TTC27: variants seen among roughly 807,000 people sequenced by gnomAD.
The protein encoded by TTC27 is tetratricopeptide repeat protein 27.
TTC27 carries 79 observed loss-of-function variants against 115.9 expected under a neutral mutation model. The observed-to-expected ratio is 0.68, with a 90% CI of 0.57 to 0.82. TTC27 has a LOEUF of 0.82. Among genes scored for constraint, TTC27 ranks in the 40% least tolerant of loss-of-function variants. The pLI, the probability that TTC27 is intolerant of heterozygous loss-of-function variation, is 0.00. For synonymous variants in TTC27, 401 were observed against 356.0 expected (o/e 1.13, Z -1.42); for missense variants, 1,054 against 993.1 (o/e 1.06, Z -0.82).
chr2:32,737,112 A>G (rs2273663), intron 12 of TTC27, among the ~76,000 whole-genome samples: 63,102 of 151,740 alleles, frequency 0.42, 13,282 homozygotes, highest in Non-Finnish European at 0.44. Flanking sequence ...TTTAATGATC[A>G]CTGGGTTGCC....
Position 32,780,650 on chromosome 2 carries a change from G to T in TTC27, c.1780-1976G>T, listed in dbSNP as rs574583572. 2.6e-5 allele frequency among the ~76,000 whole-genome samples: 4 copies of T among 152,178 alleles called. No individual in the cohort carries two copies. In the East Asian group the frequency reaches 7.7e-4, roughly 29 times the overall value. On this transcript the variant is annotated intron_variant, in intron 14 of 19. Transcript: ENST00000317907. ...AGATGAGGTTTCTCCATGTTGGCCA[G>T]ACTAGTCTCAAACTCCTGACCTCAG...
chr2:32,756,912 T>G (rs1309881380), intron 12 of TTC27, among the ~76,000 whole-genome samples: 4 of 152,104 alleles, frequency 2.6e-5, no homozygotes, highest in African/African-American at 9.7e-5. Context: ...GGGAGGAAGT[T>G]GAGGAGTGGT....
At chr2:32,762,665 G>A (rs976882446) in intron 13 of TTC27, among the ~76,000 whole-genome samples, 8 of 151,008 alleles carry the variant, frequency 5.3e-5, no homozygotes, top group African/African-American at 1.9e-4. Context: ...ATGGAGTCTC[G>A]CTCTGTCACC....
intron 10 of TTC27, among the ~76,000 whole-genome samples, chr2:32,733,301 C>T (rs1399664685): frequency 6.6e-6 from 1 of 152,236 alleles, no homozygotes; most frequent in African/African-American, 2.4e-5. Flanking sequence ...GCCCACTGCA[C>T]TGTATAGATG....
intron 9 of TTC27, among the ~76,000 whole-genome samples, chr2:32,700,193 C>A (rs888242804): frequency 6.6e-6 from 1 of 152,148 alleles, no homozygotes; most frequent in Non-Finnish European, 1.5e-5. Context: ...CTCATAGGCT[C>A]CATTAAGCTT....
chr2:32,792,867 T>G (rs1038529507), intron 16 of TTC27, among the ~76,000 whole-genome samples: 3 of 152,242 alleles, frequency 2.0e-5, no homozygotes, highest in African/African-American at 7.2e-5. Context: ...GTGGAGATTC[T>G]TCTACATTTA....
intron 5 of TTC27, among the ~76,000 whole-genome samples, chr2:32,660,802 G>A (rs765584502): frequency 1.1e-4 from 16 of 151,694 alleles, no homozygotes; most frequent in South Asian, 1.0e-3. Context: ...TTTGGCTTTC[G>A]TTGCCATTGC....
rs891323712 is a variant in TTC27, at chr2:32,743,247, G to T, written c.1452+6431G>T. ...CTTTCCATTAATTCACAAAATTTCC[G>T]CTAATTCACAAAGTTAAGGCACAGA... On this transcript the variant is annotated intron_variant, in intron 12 of 19. Coordinates refer to ENST00000317907, the MANE Select transcript of TTC27 (RefSeq NM_017735.5). Among the ~76,000 whole-genome samples, 3 of 152,038 alleles carry T rather than the reference G, an allele frequency of 2.0e-5. 1 individual carries two copies. Among genetic ancestry groups the T allele is most frequent in the Non-Finnish European group, 4.4e-5 (3 of 68,008 alleles).
At chr2:32,724,814 T>G (rs563548252) in intron 10 of TTC27, among the ~76,000 whole-genome samples, 1 of 152,330 alleles carries the variant, frequency 6.6e-6, no homozygotes, top group East Asian at 1.9e-4. Flanking sequence ...TGTTACTGTA[T>G]TAGTCCATTT....
At chr2:32,815,635 GCTTTA>G (rs1452952984) in intron 18 of TTC27, among the ~76,000 whole-genome samples, 2 of 151,970 alleles carry the variant, frequency 1.3e-5, no homozygotes, top group African/African-American at 4.8e-5. Flanking sequence ...CTGTCTTTTT[GCTTTA>G]CTTTTGTTTT....
At position 32,812,613 on chromosome 2, in the gene TTC27, A is replaced by G. The variant is rs545438826; in HGVS notation, c.2306A>G (p.His769Arg). The stretch of plus-strand genomic sequence containing the variant: ...GTTCAAAGAGCCTTAGGACTTGCAC[A>G]TGGTATTTGATGTAACATTTGATAT... ...EVVQRALGLA[H>R]VAIKCSKNKS... Residue 769 changes from histidine to arginine, a missense_variant and splice_region_variant, in exon 18 of 20, where the codon CAT becomes CGT. Transcript: ENST00000317907. The G allele has an allele frequency of 2.4e-5, 38 of 1,601,788 alleles. No individual in the cohort carries two copies. The highest frequency in any genetic ancestry group is 3.3e-5 in the Non-Finnish European group (38 of 1,169,126).
chr2:32,741,908 TC>T (rs1472835255), intron 12 of TTC27, among the ~76,000 whole-genome samples: 1 of 152,140 alleles, frequency 6.6e-6, no homozygotes, highest in Non-Finnish European at 1.5e-5. Flanking sequence ...ATTCCCCCAC[TC>T]CCATTTGAAC....
At position 32,758,489 on chromosome 2, in the gene TTC27, C is replaced by T. The variant is rs781442434; in HGVS notation, c.1650C>T (p.Phe550=). 11 of 1,613,994 alleles carry T rather than the reference C, an allele frequency of 6.8e-6. No homozygotes were observed. The highest frequency in any genetic ancestry group is 5.3e-5 in the African/African-American group (4 of 74,908). ...AGTTTCAAGAGTGTGTAGAGTGCTT[C>T]GAACGCTCGGTTAAGATTAATCCCA... The part of the protein sequence containing the change: ...NKEFQECVEC[F]ERSVKINPMQ... Residue 550 remains phenylalanine, a synonymous_variant, in exon 13 of 20, where the codon TTC becomes TTT. Transcript: ENST00000317907.
intron 16 of TTC27, among the ~76,000 whole-genome samples, chr2:32,806,664 C>T (rs1671139576): frequency 6.6e-6 from 1 of 152,050 alleles, no homozygotes; most frequent in African/African-American, 2.4e-5. Context: ...CGCCTGTAGT[C>T]CCAGCTACTC....
chr2:32,725,735 G>A (rs1427565874), intron 10 of TTC27, among the ~76,000 whole-genome samples: 1 of 152,226 alleles, frequency 6.6e-6, no homozygotes, highest in Non-Finnish European at 1.5e-5. Flanking sequence ...CAGTGCCTCA[G>A]TAGGGACTCT....
At chr2:32,638,420 C>T (rs1028722642) in intron 3 of TTC27, among the ~76,000 whole-genome samples, 1 of 152,028 alleles carries the variant, frequency 6.6e-6, no homozygotes, top group East Asian at 1.9e-4. Context: ...GCTCTGTCGC[C>T]CCGGCTGGAG....
chr2:32,648,126 C>T (rs1238258313), intron 4 of TTC27, among the ~76,000 whole-genome samples: 2 of 151,864 alleles, frequency 1.3e-5, no homozygotes, highest in South Asian at 4.2e-4. Context: ...CACTCTTCAC[C>T]GTATATACTT....
chr2:32,772,132 A>G (rs1027437519), intron 13 of TTC27, among the ~76,000 whole-genome samples: 1 of 152,186 alleles, frequency 6.6e-6, no homozygotes, highest in Non-Finnish European at 1.5e-5. Flanking sequence ...TATCTATGCC[A>G]GTTGTCTAGT....
intron 16 of TTC27, among the ~76,000 whole-genome samples, chr2:32,803,012 T>C (rs1292170900): frequency 6.6e-6 from 1 of 152,222 alleles, no homozygotes; most frequent in Non-Finnish European, 1.5e-5. Flanking sequence ...TCTGTTCAAC[T>C]GGTAATATGT....
Sources: allele counts gnomAD v4.1 joint callset (sites outside exome capture counted in the v4.1 genomes callset), GRCh38; gene constraint gnomAD v4.1.1; transcripts MANE v1.5; gene names NCBI Gene and HGNC (gene_info 2026-07-23, HGNC 2026-07-21).